UGGT1: variants seen among roughly 807,000 people sequenced by gnomAD.
The protein encoded by UGGT1 is UDP-glucose glycoprotein glucosyltransferase 1.
In UGGT1, 107 loss-of-function variants were observed where a neutral mutation model predicts 203.9. The ratio of observed to expected loss-of-function variants is 0.52; its 90% CI spans 0.45 to 0.62. UGGT1 has a LOEUF of 0.62. UGGT1 is among the 20% of genes least tolerant of loss of function. The pLI is 0.00. For missense variants in UGGT1, 1,673 were observed against 1,867.2 expected, an observed-to-expected ratio of 0.90 and a Z score of 1.92; for synonymous variants, 628 against 653.5, an observed-to-expected ratio of 0.96 and a Z score of 0.59.
intron 2 of UGGT1, among the ~76,000 whole-genome samples, chr2:128,102,903 C>T (rs1023413188): frequency 5.9e-5 from 9 of 152,040 alleles, no homozygotes; most frequent in Non-Finnish European, 1.0e-4. Context: ...ATAAGCTATG[C>T]CAAGCTTGGT....
chr2:128,160,303 G>A (rs551803739), intron 23 of UGGT1, among the ~76,000 whole-genome samples, 157 bp from the exon 24 acceptor site: 1 of 152,258 alleles, frequency 6.6e-6, no homozygotes, highest in Admixed American at 6.5e-5. Context: ...GGGAGATGGC[G>A]GGGAGACTGG....
At chr2:128,098,073 G>T (rs1573487296) in intron 2 of UGGT1, among the ~76,000 whole-genome samples, 1 of 152,106 alleles carries the variant, frequency 6.6e-6, no homozygotes, top group African/African-American at 2.4e-5. Context: ...TGTTGGCCAG[G>T]CTGGTCTCAA....
At chr2:128,094,788 G>A (rs1383907073) in intron 1 of UGGT1, among the ~76,000 whole-genome samples, 1 of 131,008 alleles carries the variant, frequency 7.6e-6, no homozygotes, top group Non-Finnish European at 1.5e-5. Context: ...TCTCTCTGTC[G>A]CCCAGGCTGG....
intron 17 of UGGT1, among the ~76,000 whole-genome samples, chr2:128,145,443 A>G (rs572817375): frequency 1.3e-5 from 2 of 152,098 alleles, no homozygotes; most frequent in Non-Finnish European, 2.9e-5. Flanking sequence ...TCTGTTGTAT[A>G]GTGCTGACCG....
rs142419745 is a variant in UGGT1, at chr2:128,129,153, G to C, written c.1351G>C (p.Val451Leu). ...CCAGCCCTCTGAGGCAGACTATGCC[G>C]TAGACATCCGGAGTCCTGCTATTTC... The part of the protein sequence containing the change: ...NIQPSEADYA[V>L]DIRSPAISWV... The change falls in exon 13 of 41, where the codon GTA (valine) becomes CTA (leucine). Residue 451 changes from valine (V) to leucine (L), a missense_variant. Coordinates refer to ENST00000259253, the MANE Select transcript of UGGT1 (RefSeq NM_020120.4). The C allele has an allele frequency of 1.9e-6, 3 of 1,612,302 alleles. No individual in the cohort carries two copies. The highest frequency in any genetic ancestry group is 2.2e-5 in the South Asian group (2 of 90,616).
In UGGT1 at chr2:128,187,574, A is replaced by G. The variant is rs1413149578; in HGVS notation, c.4602A>G (p.Gly1534=). 4 of 1,613,922 alleles carry G rather than the reference A, an allele frequency of 2.5e-6. No homozygotes were observed. Among genetic ancestry groups the G allele is most frequent in the African/African-American group, 1.3e-5 (1 of 74,912 alleles). The change falls in exon 40 of 41, where the codon GGA becomes GGG. Residue 1534 remains glycine (G), a synonymous_variant. Transcript: ENST00000259253. ...QIRFQKEKET[G]ALYKEKTKEP... The stretch of plus-strand genomic sequence containing the variant: ...GCTTTCAGAAGGAGAAAGAAACGGG[A>G]GCACTGTACAAAGAGAAGACAAAAG...
intron 1 of UGGT1, among the ~76,000 whole-genome samples, chr2:128,094,841 C>T (rs1687038444): frequency 6.9e-6 from 1 of 145,680 alleles, no homozygotes; most frequent in Admixed American, 7.3e-5. Context: ...CTCCACCTCC[C>T]GGGTTCAAGC....
At chr2:128,108,610 T>C (rs1687711975) in intron 4 of UGGT1, among the ~76,000 whole-genome samples, 1 of 152,166 alleles carries the variant, frequency 6.6e-6, no homozygotes, top group Non-Finnish European at 1.5e-5. Flanking sequence ...TGATATTTGA[T>C]ATAAAAGCAA....
chr2:128,148,917 A>G (rs1472864867), intron 18 of UGGT1, among the ~76,000 whole-genome samples: 1 of 152,226 alleles, frequency 6.6e-6, no homozygotes. Context: ...CCAAATAAAG[A>G]GAACCCCTGA....
Position 128,179,849 on chromosome 2 carries a change from T to C in UGGT1, c.3879T>C (p.Asn1293=), listed in dbSNP as rs1397557498. 6.2e-7 allele frequency: 1 copy of C among 1,613,966 alleles called. No homozygotes were observed. Among genetic ancestry groups the C allele is most frequent in the Non-Finnish European group, 8.5e-7 (1 of 1,179,860 alleles). ...CTGTGAAATTCTGGTTCTTGAAGAA[T>C]TACTTGTCCCCCACATTTAAGGTTT... is the stretch of plus-strand genomic sequence containing the variant. The part of the protein sequence containing the change: ...KTPVKFWFLK[N]YLSPTFKEFI... Residue 1293 remains asparagine (N), a synonymous_variant, in exon 35 of 41, where the codon AAT becomes AAC. Transcript: ENST00000259253.
chr2:128,162,963 G>C (rs1690598945), intron 25 of UGGT1, among the ~76,000 whole-genome samples: 1 of 147,686 alleles, frequency 6.8e-6, no homozygotes, highest in African/African-American at 2.4e-5. Flanking sequence ...GTTTTCATTA[G>C]CGCCAGAGCT....
chr2:128,116,350 A>G lies in UGGT1; in HGVS notation c.872+7A>G, dbSNP rs1167407491. 1 of 1,582,460 alleles carries G rather than the reference A, an allele frequency of 6.3e-7. No homozygotes were observed. The highest frequency in any genetic ancestry group is 8.7e-7 in the Non-Finnish European group (1 of 1,152,912). On this transcript the variant is annotated splice_region_variant and intron_variant, in intron 8 of 40. Coordinates refer to ENST00000259253, the MANE Select transcript of UGGT1 (RefSeq NM_020120.4). The stretch of plus-strand genomic sequence containing the variant: ...TCCTCTTTGGAAAATTAAGGTATGT[A>G]TGTTCTGTGTATTTTGGGAAACGCC...
chr2:128,159,841 ATTT>A, intron 23 of UGGT1, 121 bp downstream of exon 23: 3 of 862,610 alleles, frequency 3.5e-6, no homozygotes, highest in Non-Finnish European at 5.0e-6. Context: ...GTCTCAGGGA[ATTT>A]TTTTTTTTAA....
At chr2:128,171,799 G>A (rs1000804642) in intron 28 of UGGT1, among the ~76,000 whole-genome samples, 2 of 152,092 alleles carry the variant, frequency 1.3e-5, no homozygotes, top group African/African-American at 4.8e-5. Flanking sequence ...GAGCTACCAC[G>A]CCTGGCCCCA....
At chr2:128,184,101 G>T (rs1393838138) in intron 38 of UGGT1, among the ~76,000 whole-genome samples, 1 of 152,194 alleles carries the variant, frequency 6.6e-6, no homozygotes, top group East Asian at 1.9e-4. Context: ...AATCTCATAG[G>T]TTTGTTTCTC....
chr2:128,134,715 A>G (rs1188945088), intron 14 of UGGT1, among the ~76,000 whole-genome samples, 161 bp from the exon 15 acceptor site: 1 of 152,206 alleles, frequency 6.6e-6, no homozygotes, highest in East Asian at 1.9e-4. Context: ...TTTTTTGAAC[A>G]TAGAGGGAGG....
chr2:128,097,776 T>C (rs1488348287), intron 2 of UGGT1, among the ~76,000 whole-genome samples: 1 of 152,220 alleles, frequency 6.6e-6, no homozygotes, highest in East Asian at 1.9e-4. Flanking sequence ...TAGAGCTATG[T>C]AGGAACTTTG....
Position 128,174,370 on chromosome 2 carries a change from C to T in UGGT1, c.3454-403C>T, listed in dbSNP as rs921962415. Among the ~76,000 whole-genome samples, 12 of 148,828 alleles carry T rather than the reference C, an allele frequency of 8.1e-5. No homozygotes were observed. In the Admixed American group the frequency reaches 8.1e-4, roughly 10 times the overall value. On this transcript the variant is annotated intron_variant, in intron 30 of 40. Coordinates refer to ENST00000259253, the MANE Select transcript of UGGT1 (RefSeq NM_020120.4). ...CTGGAGTGCAGTGGTGTGATCTCAG[C>T]TCACTGCAACCTCCGCCTCCCAGGT...
At chr2:128,132,192 T>A (rs1161174913) in intron 13 of UGGT1, among the ~76,000 whole-genome samples, 2 of 152,118 alleles carry the variant, frequency 1.3e-5, no homozygotes, top group Admixed American at 1.3e-4. Context: ...TTCCGCTGTT[T>A]ATTTTTCATA....
Sources: gnomAD v4.1 joint callset for allele counts (sites outside exome capture counted in the v4.1 genomes callset) on GRCh38, gnomAD v4.1.1 for gene constraint, MANE v1.5 for transcripts, NCBI Gene and HGNC (gene_info 2026-07-23, HGNC 2026-07-21) for gene names.